The following ADAM32 variants were observed in gnomAD, a reference collection of about 807,000 sequenced individuals.
ADAM32 encodes the protein ADAM metallopeptidase domain 32.
A neutral mutation model predicts 114.9 loss-of-function variants in ADAM32; 89 were observed. The observed-to-expected ratio is 0.77, with a 90% confidence interval of 0.65 to 0.92. The LOEUF is 0.92. ADAM32 is among the 40% of genes least tolerant of loss of function. ADAM32 has a pLI of 0.00. For synonymous variants in ADAM32, 285 were observed against 307.5 expected, an observed-to-expected ratio of 0.93 and a Z score of 0.77; for missense variants, 870 against 932.8, an observed-to-expected ratio of 0.93 and a Z score of 0.88.
chr8:39,147,967 T>C (rs1190424756), intron 4 of ADAM32, among the ~76,000 whole-genome samples: 2 of 151,962 alleles, frequency 1.3e-5, no homozygotes, highest in Admixed American at 6.6e-5. Flanking sequence ...TATCAAGAGA[T>C]AGGGTTTCAC....
chr8:39,283,336 AGGAG>A (rs1295508566), intron 23 of ADAM32, among the ~76,000 whole-genome samples: 1 of 150,180 alleles, frequency 6.7e-6, no homozygotes, highest in Non-Finnish European at 1.5e-5. Context: ...TTGAGCCCCC[AGGAG>A]GTTGAGGCTG....
intron 16 of ADAM32, among the ~76,000 whole-genome samples, chr8:39,236,498 T>C (rs1377843075): frequency 6.6e-6 from 1 of 152,156 alleles, no homozygotes; most frequent in Non-Finnish European, 1.5e-5. Flanking sequence ...AAAAATATAC[T>C]TTACATTTTA....
intron 16 of ADAM32, among the ~76,000 whole-genome samples, chr8:39,236,486 T>A (rs1025301174): frequency 2.0e-5 from 3 of 152,132 alleles, no homozygotes; most frequent in South Asian, 4.1e-4. Context: ...AAAATTATTT[T>A]AAAAAATATA....
intron 2 of ADAM32, among the ~76,000 whole-genome samples, chr8:39,123,562 G>C (rs963554347): frequency 5.3e-5 from 8 of 152,018 alleles, no homozygotes; most frequent in Non-Finnish European, 1.2e-4. Context: ...GATTTTGATA[G>C]AGATTACATT....
intron 22 of ADAM32, among the ~76,000 whole-genome samples, chr8:39,280,840 T>G (rs555601490): frequency 5.3e-5 from 8 of 152,190 alleles, no homozygotes; most frequent in African/African-American, 1.9e-4. Flanking sequence ...TGGAGTGCAG[T>G]GGCGTGATCT....
At chr8:39,240,968 C>G (rs932504820) in intron 16 of ADAM32, among the ~76,000 whole-genome samples, 3 of 152,172 alleles carry the variant, frequency 2.0e-5, no homozygotes, top group African/African-American at 7.2e-5. Flanking sequence ...CAAGGCAAGT[C>G]CCTTCCACCT....
At chr8:39,257,140 G>A (rs1811696564) in intron 18 of ADAM32, 47 bp from the exon 19 acceptor site, 2 of 1,469,252 alleles carry the variant, frequency 1.4e-6, no homozygotes, top group Non-Finnish European at 9.1e-7. Flanking sequence ...AGTAAAAGTA[G>A]ATAGTTTAAT....
intron 10 of ADAM32, among the ~76,000 whole-genome samples, chr8:39,173,863 A>G (rs1805347036): frequency 6.6e-6 from 1 of 151,948 alleles, no homozygotes; most frequent in Non-Finnish European, 1.5e-5. Context: ...CTCACTCTGT[A>G]GCCCAGGCTG....
chr8:39,246,208 C>CT (rs753646944), intron 17 of ADAM32, 42 bp downstream of exon 17: 1 of 1,568,254 alleles, frequency 6.4e-7, no homozygotes, highest in Non-Finnish European at 8.7e-7. Flanking sequence ...TTCTTGGACA[C>CT]TTTTTTGCAT....
At chr8:39,116,451 C>T (rs140355973) in intron 1 of ADAM32, among the ~76,000 whole-genome samples, 3 of 152,304 alleles carry the variant, frequency 2.0e-5, no homozygotes, top group Non-Finnish European at 1.5e-5. Context: ...AGATCTTTCA[C>T]CTCCATGGTT....
At chr8:39,141,946 G>A (rs1310608039) in intron 3 of ADAM32, among the ~76,000 whole-genome samples, 1 of 152,042 alleles carries the variant, frequency 6.6e-6, no homozygotes, top group Non-Finnish European at 1.5e-5. Flanking sequence ...ATTATGTAGT[G>A]GCCTTCTTTG....
chr8:39,161,858 G>A (rs1338179249), intron 7 of ADAM32, among the ~76,000 whole-genome samples: 1 of 151,974 alleles, frequency 6.6e-6, no homozygotes, highest in East Asian at 1.9e-4. Context: ...AGAGAAAATT[G>A]AAGTATTTCT....
intron 22 of ADAM32, among the ~76,000 whole-genome samples, chr8:39,276,930 C>T (rs1381631635): frequency 6.6e-6 from 1 of 152,086 alleles, no homozygotes; most frequent in Admixed American, 6.5e-5. Context: ...TAGCAGAGTG[C>T]TCGGCTCATA....
chr8:39,196,191 G>A (rs564880717), intron 11 of ADAM32, among the ~76,000 whole-genome samples: 1 of 152,158 alleles, frequency 6.6e-6, no homozygotes, highest in Admixed American at 6.6e-5. Flanking sequence ...TGCTGATTTT[G>A]AATCCTGCAA....
At chr8:39,226,842 A>G (rs541492597) in intron 14 of ADAM32, among the ~76,000 whole-genome samples, 1 of 152,358 alleles carries the variant, frequency 6.6e-6, no homozygotes, top group Admixed American at 6.5e-5. Context: ...GTTCACTGGT[A>G]AAAGTAAGTA....
chr8:39,183,616 C>T (rs1230142845), intron 10 of ADAM32, among the ~76,000 whole-genome samples: 1 of 152,290 alleles, frequency 6.6e-6, no homozygotes, highest in Non-Finnish European at 1.5e-5. Context: ...GAAATGGCAC[C>T]AAGTTTTGGC....
At chr8:39,177,734 G>C (rs1805614947) in intron 10 of ADAM32, among the ~76,000 whole-genome samples, 1 of 151,534 alleles carries the variant, frequency 6.6e-6, no homozygotes, top group South Asian at 2.1e-4. Context: ...GCATTTGCTT[G>C]TCTGAAAAGG....
intron 10 of ADAM32, among the ~76,000 whole-genome samples, chr8:39,186,300 A>G (rs978145740): frequency 1.3e-5 from 2 of 152,196 alleles, no homozygotes; most frequent in Non-Finnish European, 2.9e-5. Context: ...AGAAATCATG[A>G]TGTCATTGCA....
chr8:39,279,401 A>T (rs1813284968), intron 22 of ADAM32, among the ~76,000 whole-genome samples: 1 of 152,158 alleles, frequency 6.6e-6, no homozygotes, highest in Non-Finnish European at 1.5e-5. Flanking sequence ...TCTCTGCCTC[A>T]GCCTACCAAG....
Sources: gnomAD v4.1 joint callset for allele counts (sites outside exome capture counted in the v4.1 genomes callset) on GRCh38, gnomAD v4.1.1 for gene constraint, MANE v1.5 for transcripts, NCBI Gene and HGNC (gene_info 2026-07-23, HGNC 2026-07-21) for gene names.